KIAA1217: variants seen among roughly 807,000 people sequenced by gnomAD.
The protein encoded by KIAA1217 is KIAA1217, also known as sickle tail protein homolog.
In KIAA1217, 88 loss-of-function variants were observed where a neutral mutation model predicts 163.9. That is an observed-to-expected ratio of 0.54 (90% confidence interval 0.45 to 0.64). The LOEUF is 0.64. KIAA1217 is among the 30% of genes least tolerant of loss of function. The probability of loss-of-function intolerance (pLI) is 0.00; values close to 1 mark genes in which losing one functional copy is unlikely to be tolerated. For missense variants in KIAA1217, 2,372 were observed against 2,475.0 expected, an observed-to-expected ratio of 0.96 and a Z score of 0.88; for synonymous variants, 903 against 923.1, an observed-to-expected ratio of 0.98 and a Z score of 0.39.
chr10:24,122,699 A>G (rs1448426058), intron 2 of KIAA1217, among the ~76,000 whole-genome samples: 1 of 152,092 alleles, frequency 6.6e-6, no homozygotes, highest in Non-Finnish European at 1.5e-5. Flanking sequence ...GATTTATGAA[A>G]CTTCACTAAT....
In KIAA1217 at chr10:23,873,681, T is replaced by TGTCG. The variant is rs1293546640; in HGVS notation, c.-320-133541_-320-133540insGGTC. ...CTGTTGTCTTTCTGGCCCTACAAGT[T>TGTCG]GTCTGTTTCTCTCTCTCTCTCTCTC... On this transcript the variant is annotated intron_variant, in intron 1 of 18. Transcript: ENST00000376462. 6.7e-5 allele frequency among the ~76,000 whole-genome samples: 5 copies of TGTCG among 74,836 alleles called. No homozygotes were observed. The African/African-American group carries it at 9.9e-4, about 15-fold the overall frequency. The allele number at this position is 74,836 out of a possible 152,430, so 49.1% of individuals were successfully genotyped here.
At chr10:24,444,490 A>G (rs1399216860) in intron 5 of KIAA1217, among the ~76,000 whole-genome samples, 1 of 152,108 alleles carries the variant, frequency 6.6e-6, no homozygotes, top group East Asian at 1.9e-4. Context: ...CATGCAAAAG[A>G]CTGTACACTC....
chr10:23,991,738 G>A (rs945857228), intron 1 of KIAA1217, among the ~76,000 whole-genome samples: 6 of 152,222 alleles, frequency 3.9e-5, no homozygotes, highest in Non-Finnish European at 8.8e-5. Flanking sequence ...GAAGCAGACA[G>A]GGAATGGCAT....
In KIAA1217 at chr10:24,432,895, C is replaced by G. The variant is rs892483644; in HGVS notation, c.554-100C>G. ...TTGTTACATGCTTGCCAAGCTTGTC[C>G]TGAACGTTCCTAAGTGCAGCAGGAA... On this transcript the variant is annotated intron_variant, in intron 3 of 20. Coordinates refer to ENST00000376454, the MANE Select transcript of KIAA1217 (RefSeq NM_019590.5). The G allele has an allele frequency of 2.0e-5, 17 of 869,848 alleles. No homozygotes were observed. In the African/African-American group the frequency reaches 2.2e-4, roughly 11 times the overall value. 53.9% of individuals were successfully genotyped at this position (869,848 alleles called of 1,614,324 possible).
intron 1 of KIAA1217, among the ~76,000 whole-genome samples, chr10:23,925,265 T>A (rs1289406244): frequency 6.6e-6 from 1 of 152,138 alleles, no homozygotes; most frequent in Non-Finnish European, 1.5e-5. Flanking sequence ...CTTTCCTTCT[T>A]CTCTTTCAGC....
At chr10:24,209,351 C>T (rs2067778194) in intron 1 of KIAA1217, 88 bp downstream of exon 1, 3 of 924,836 alleles carry the variant, frequency 3.2e-6, no homozygotes, top group East Asian at 2.6e-5. Flanking sequence ...GCTCTGGGAC[C>T]CGGCAAAGGA....
intron 2 of KIAA1217, among the ~76,000 whole-genome samples, chr10:24,259,986 A>G (rs2075566431): frequency 6.6e-6 from 1 of 152,096 alleles, no homozygotes; most frequent in African/African-American, 2.4e-5. Flanking sequence ...TCCCTTTGCA[A>G]TTTCCCCATG....
chr10:23,701,151 C>G (rs1347740669), intron 1 of KIAA1217, among the ~76,000 whole-genome samples: 1 of 152,182 alleles, frequency 6.6e-6, no homozygotes, highest in Non-Finnish European at 1.5e-5. Context: ...GGTGTCATCT[C>G]AGTTCTCCTG....
At chr10:24,209,411 T>C (rs915664362) in intron 1 of KIAA1217, 148 bp downstream of exon 1, 3 of 627,452 alleles carry the variant, frequency 4.8e-6, no homozygotes, top group Non-Finnish European at 8.3e-6. Flanking sequence ...CCAAACTGAG[T>C]AGAGCATAGA....
intron 1 of KIAA1217, among the ~76,000 whole-genome samples, chr10:23,778,641 T>C (rs758021506): frequency 6.6e-6 from 1 of 152,130 alleles, no homozygotes; most frequent in Non-Finnish European, 1.5e-5. Context: ...GGGACAAAAA[T>C]TAAAGAAGCT....
chr10:23,852,001 A>G (rs1175309292), intron 1 of KIAA1217, among the ~76,000 whole-genome samples: 9 of 152,168 alleles, frequency 5.9e-5, no homozygotes, highest in Admixed American at 3.9e-4. Context: ...TTTGCTGTGC[A>G]GAAGCTCTTT....
chr10:24,443,320 A>T (rs541608465), intron 5 of KIAA1217, among the ~76,000 whole-genome samples: 2 of 152,334 alleles, frequency 1.3e-5, no homozygotes, highest in South Asian at 4.1e-4. Context: ...AAGGCCACAC[A>T]GCCAGAGAGT....
intron 1 of KIAA1217, among the ~76,000 whole-genome samples, chr10:23,807,731 A>G (rs1836810077): frequency 6.6e-6 from 1 of 152,222 alleles, no homozygotes; most frequent in African/African-American, 2.4e-5. Context: ...CCTACTTCAG[A>G]TTCAAAATCA....
At chr10:24,479,054 A>G (rs1436298626) in intron 6 of KIAA1217, among the ~76,000 whole-genome samples, 1 of 152,214 alleles carries the variant, frequency 6.6e-6, no homozygotes, top group Non-Finnish European at 1.5e-5. Context: ...CACTAGGAAG[A>G]AAAATTTTGC....
chr10:24,403,311 T>C (rs1373628580), intron 3 of KIAA1217, among the ~76,000 whole-genome samples: 4 of 152,216 alleles, frequency 2.6e-5, no homozygotes, highest in Non-Finnish European at 5.9e-5. Context: ...CAATCTCAGC[T>C]CACTGCAACC....
At chr10:24,320,037 G>A (rs1273399513) in intron 2 of KIAA1217, among the ~76,000 whole-genome samples, 2 of 152,092 alleles carry the variant, frequency 1.3e-5, no homozygotes, top group African/African-American at 2.4e-5. Context: ...AATTACCATC[G>A]TCTAGTAACT....
rs1045898617 is a variant in KIAA1217, at chr10:24,258,632, A to G, written c.354+38723A>G. Among the ~76,000 whole-genome samples, 3 of 145,746 alleles carry G rather than the reference A, an allele frequency of 2.1e-5. No homozygotes were observed. The Admixed American group carries it at 2.1e-4, about 10-fold the overall frequency. ...TTTTGAGACGGAGTCTCGCTCTGTC[A>G]CCCAGGCTGGAGTGCAGTGGCGCGA... On this transcript the variant is annotated intron_variant, in intron 2 of 20. Coordinates refer to ENST00000376454, the MANE Select transcript of KIAA1217 (RefSeq NM_019590.5).
chr10:24,303,491 G>A (rs2132771122), intron 2 of KIAA1217, among the ~76,000 whole-genome samples: 1 of 152,326 alleles, frequency 6.6e-6, no homozygotes, highest in East Asian at 1.9e-4. Flanking sequence ...AGTTCACAGA[G>A]TTGATGGGAT....
chr10:24,119,594 G>A (rs1341518260), intron 2 of KIAA1217, among the ~76,000 whole-genome samples: 1 of 152,178 alleles, frequency 6.6e-6, no homozygotes, highest in Non-Finnish European at 1.5e-5. Flanking sequence ...CCAGAGCTGT[G>A]AGGCTGATCT....
Sources: allele counts gnomAD v4.1 joint callset (sites outside exome capture counted in the v4.1 genomes callset), GRCh38; gene constraint gnomAD v4.1.1; transcripts MANE v1.5; gene names NCBI Gene and HGNC (gene_info 2026-07-23, HGNC 2026-07-21).